ZSWIM1: variants seen among roughly 807,000 people sequenced by gnomAD.
ZSWIM1 encodes the protein zinc finger SWIM domain-containing protein 1.
Under a neutral mutation model 29.3 loss-of-function variants are expected in ZSWIM1, and 22 were observed. The ratio of observed to expected loss-of-function variants is 0.75; its 90% CI spans 0.54 to 1.07. The LOEUF (loss-of-function observed/expected upper bound fraction) is 1.07, where lower values mean the gene tolerates loss of function less well. Among genes scored for constraint, ZSWIM1 ranks in the 50% least tolerant of loss-of-function variants. The pLI is 0.00. For missense variants in ZSWIM1, 511 were observed against 596.2 expected (o/e 0.86, Z 1.49); for synonymous variants, 228 against 240.8 (o/e 0.95, Z 0.49).
rs1358214908 is a variant in ZSWIM1, at chr20:45,884,258, A to G, written c.*208A>G. ...TGCTACCTAGCATGTGTCTAGCTCAATGAGACAGGAGTCAGCAAATCTTAA... is the reference window on the plus strand; with the variant it reads ...TGCTACCTAGCATGTGTCTAGCTCAGTGAGACAGGAGTCAGCAAATCTTAA... On this transcript the variant is annotated 3_prime_UTR_variant, in exon 2 of 2. Coordinates refer to ENST00000372523, the MANE Select transcript of ZSWIM1 (RefSeq NM_080603.5). 3 of 596,522 alleles carry G rather than the reference A, an allele frequency of 5.0e-6. No individual in the cohort carries two copies. The highest frequency in any genetic ancestry group is 8.7e-6 in the Non-Finnish European group (3 of 343,432). 37.0% of individuals were successfully genotyped at this position (596,522 alleles called of 1,614,324 possible). A position where few individuals can be genotyped will look rare whatever the true frequency, so the allele number is the denominator to read the frequency against.
In ZSWIM1 at chr20:45,883,823, G is replaced by C; in HGVS notation, c.1231G>C (p.Asp411His). 1.2e-6 allele frequency: 2 copies of C among 1,613,544 alleles called. No individual in the cohort carries two copies. Among genetic ancestry groups the C allele is most frequent in the East Asian group, 2.2e-5 (1 of 44,880 alleles). ...LSARRQVLQP[D>H]MLPAQWTAGC... ...TGCCCGCCGCCAGGTGCTCCAGCCC[G>C]ACATGCTGCCGGCTCAGTGGACGGC... The change falls in exon 2 of 2, where the codon GAC (aspartate) becomes CAC (histidine). Residue 411 changes from aspartate (D) to histidine (H), a missense_variant. Coordinates refer to ENST00000372523, the MANE Select transcript of ZSWIM1 (RefSeq NM_080603.5).
rs761821569 is a variant in ZSWIM1, at chr20:45,883,833, C to A, written c.1241C>A (p.Pro414Gln). Residue 414 changes from proline (P) to glutamine (Q), a missense_variant, in exon 2 of 2, where the codon CCG (proline) becomes CAG (glutamine). Coordinates refer to ENST00000372523, the MANE Select transcript of ZSWIM1 (RefSeq NM_080603.5). ...CAGGTGCTCCAGCCCGACATGCTGC[C>A]GGCTCAGTGGACGGCAGGCTGTGCT... The part of the protein sequence containing the change: ...RRQVLQPDML[P>Q]AQWTAGCATS... The A allele has an allele frequency of 6.2e-7, 1 of 1,613,544 alleles. No homozygotes were observed. Among genetic ancestry groups the A allele is most frequent in the South Asian group, 1.1e-5 (1 of 91,078 alleles).
rs1457200850 is a variant in ZSWIM1, at chr20:45,882,666, C to T, written c.74C>T (p.Ala25Val). Residue 25 changes from alanine (A) to valine (V), a missense_variant, in exon 2 of 2, where the codon GCT becomes GTT. By Grantham distance (64) the Ala-to-Val change is moderately conservative. Coordinates refer to ENST00000372523, the MANE Select transcript of ZSWIM1 (RefSeq NM_080603.5). ...RKYFDLGIWT[A>V]PISPMALTML... is the part of the protein sequence containing the mutation. ...TATTTTGACCTTGGCATTTGGACAG[C>T]TCCCATCTCTCCCATGGCCCTGACA... The T allele has an allele frequency of 1.9e-6, 3 of 1,614,222 alleles. No homozygotes were observed. Among genetic ancestry groups the T allele is most frequent in the Non-Finnish European group, 2.5e-6 (3 of 1,180,042 alleles).
Position 45,882,828 on chromosome 20 carries a change from T to G in ZSWIM1, c.236T>G (p.Leu79Ter). 2 of 1,614,230 alleles carry G rather than the reference T, an allele frequency of 1.2e-6. No homozygotes were observed. The highest frequency in any genetic ancestry group is 2.2e-5 in the East Asian group (1 of 44,890). Residue 79 changes from leucine to a stop codon, truncating the protein, a stop_gained, in exon 2 of 2, where the codon TTA becomes TGA. Coordinates refer to ENST00000372523, the MANE Select transcript of ZSWIM1 (RefSeq NM_080603.5). LOFTEE classifies it high-confidence loss of function. ...GTCTTTGACCATTTCCCTGAGATCT[T>G]ATTTATCCACCGGACCTATAACCCA... ...QSVFDHFPEI[L>*]FIHRTYNPRG...
In ZSWIM1 at chr20:45,882,991, G is replaced by T. The variant is rs1305762349; in HGVS notation, c.399G>T (p.Lys133Asn). The T allele has an allele frequency of 6.2e-7, 1 of 1,614,212 alleles. No homozygotes were observed. The highest frequency in any genetic ancestry group is 8.5e-7 in the Non-Finnish European group (1 of 1,180,044). Residue 133 changes from lysine to asparagine, a missense_variant, in exon 2 of 2, where the codon AAG (lysine) becomes AAT (asparagine). Lys to Asn is a moderately conservative substitution (Grantham distance 94). Transcript: ENST00000372523. Reference sequence around the variant, plus strand: ...TGGCCCAGATGTTCCAAGTATTCAAGAAGTTTAATCCAGCATGGGAGAGAG... The same window carrying T: ...TGGCCCAGATGTTCCAAGTATTCAATAAGTTTAATCCAGCATGGGAGAGAG... ...EGLAQMFQVF[K>N]KFNPAWERVC...
chr20:45,882,771 C>T lies in ZSWIM1; in HGVS notation c.179C>T (p.Thr60Ile). ...HQVNKTAQLD[T>I]FNYQSCFMQS... ...GTTAACAAGACTGCCCAGTTAGATA[C>T]CTTCAACTACCAGAGCTGCTTTATG... Residue 60 changes from threonine (T) to isoleucine (I), a missense_variant, in exon 2 of 2, where the codon ACC becomes ATC. Physicochemically the swap from Thr to Ile is moderately conservative, Grantham distance 89. Coordinates refer to ENST00000372523, the MANE Select transcript of ZSWIM1 (RefSeq NM_080603.5). The T allele has an allele frequency of 1.2e-6, 2 of 1,614,262 alleles. No homozygotes were observed. The highest frequency in any genetic ancestry group is 1.7e-6 in the Non-Finnish European group (2 of 1,180,050).
Position 45,883,962 on chromosome 20 carries a change from G to C in ZSWIM1, c.1370G>C (p.Cys457Ser), listed in dbSNP as rs1986389375. Residue 457 changes from cysteine to serine, a missense_variant, in exon 2 of 2, where the codon TGC becomes TCC. Physicochemically the swap from Cys to Ser is moderately radical, Grantham distance 112. Transcript: ENST00000372523. The part of the protein sequence containing the change: ...TEEVGQLLQH[C>S]TKEEFERRYS... The stretch of plus-strand genomic sequence containing the variant: ...GAGGTGGGTCAGCTGTTGCAGCACT[G>C]CACCAAGGAGGAGTTTGAGCGGAGG... 6.2e-7 allele frequency: 1 copy of C among 1,614,064 alleles called. No individual in the cohort carries two copies. The highest frequency in any genetic ancestry group is 8.5e-7 in the Non-Finnish European group (1 of 1,180,042).
In ZSWIM1 at chr20:45,883,414, T is replaced by C; in HGVS notation, c.822T>C (p.Ser274=). 6.2e-7 allele frequency: 1 copy of C among 1,614,230 alleles called. No individual in the cohort carries two copies. Among genetic ancestry groups the C allele is most frequent in the Non-Finnish European group, 8.5e-7 (1 of 1,180,048 alleles). The change falls in exon 2 of 2, where the codon TCT becomes TCC. Residue 274 remains serine (S), a synonymous_variant. Transcript: ENST00000372523. ...GCCAGTTCTTTGGTACCACCCCATC[T>C]GAGAAACAAGGTATGGCTTCTCTGT... The part of the protein sequence containing the change: ...ILSQFFGTTP[S]EKQGMASLFR...
In ZSWIM1 at chr20:45,883,575, A is replaced by C. The variant is rs975865541; in HGVS notation, c.983A>C (p.His328Pro). The change falls in exon 2 of 2, where the codon CAC (histidine) becomes CCC (proline). Residue 328 changes from histidine to proline, a missense_variant. Coordinates refer to ENST00000372523, the MANE Select transcript of ZSWIM1 (RefSeq NM_080603.5). ...LEQLVESHIQ[H>P]SLNAICTGPA... The stretch of plus-strand genomic sequence containing the variant: ...CAGCTGGTAGAATCCCACATCCAGC[A>C]CTCCCTCAATGCCATCTGCACAGGG... The C allele has an allele frequency of 6.2e-7, 1 of 1,614,154 alleles. No homozygotes were observed. Among genetic ancestry groups the C allele is most frequent in the Non-Finnish European group, 8.5e-7 (1 of 1,180,026 alleles).
Position 45,882,917 on chromosome 20 carries a change from G to A in ZSWIM1, c.325G>A (p.Ala109Thr). The stretch of plus-strand genomic sequence containing the variant: ...TCGGGTGCAGCTGGAGGGTCATCTT[G>A]CCCGAGCAGTCTACTTTGCCATCCC... ...GPRVQLEGHL[A>T]RAVYFAIPAK... Residue 109 changes from alanine to threonine, a missense_variant, in exon 2 of 2, where the codon GCC becomes ACC. By Grantham distance (58) the Ala-to-Thr change is moderately conservative. Coordinates refer to ENST00000372523, the MANE Select transcript of ZSWIM1 (RefSeq NM_080603.5). 6.2e-7 allele frequency: 1 copy of A among 1,614,190 alleles called. No homozygotes were observed. The highest frequency in any genetic ancestry group is 8.5e-7 in the Non-Finnish European group (1 of 1,180,032).
At position 45,883,606 on chromosome 20, in the gene ZSWIM1, A is replaced by C; in HGVS notation, c.1014A>C (p.Ala338=). 1 of 1,614,224 alleles carries C rather than the reference A, an allele frequency of 6.2e-7. No homozygotes were observed. The highest frequency in any genetic ancestry group is 8.5e-7 in the Non-Finnish European group (1 of 1,180,038). ...TCAATGCCATCTGCACAGGGCCAGC[A>C]GCCCAACTGTGCCTGGGCGAGCTTG... ...HSLNAICTGP[A]AQLCLGELAV... The change falls in exon 2 of 2, where the codon GCA becomes GCC. Residue 338 remains alanine (A), a synonymous_variant. Coordinates refer to ENST00000372523, the MANE Select transcript of ZSWIM1 (RefSeq NM_080603.5).
chr20:45,881,784 A>G (rs1167326313), intron 1 of ZSWIM1, among the ~76,000 whole-genome samples: 1 of 152,240 alleles, frequency 6.6e-6, no homozygotes, highest in African/African-American at 2.4e-5. Flanking sequence ...TCTCTTATAC[A>G]TACCAGGACC....
rs1347233579 is a variant in ZSWIM1, at chr20:45,882,806, T to G, written c.214T>G (p.Phe72Val). The change falls in exon 2 of 2, where the codon TTT becomes GTT. Residue 72 changes from phenylalanine (F) to valine (V), a missense_variant. Transcript: ENST00000372523. ...NYQSCFMQSV[F>V]DHFPEILFIH... ...CCAGAGCTGCTTTATGCAAAGTGTC[T>G]TTGACCATTTCCCTGAGATCTTATT... The G allele has an allele frequency of 6.2e-7, 1 of 1,614,114 alleles. No homozygotes were observed. Among genetic ancestry groups the G allele is most frequent in the African/African-American group, 1.3e-5 (1 of 74,926 alleles).
rs1265993510 is a variant in ZSWIM1 at position 45,884,348 on chromosome 20, A to ATTT, written c.*304_*306dup. 3 of 199,448 alleles carry ATTT rather than the reference A, an allele frequency of 1.5e-5. No individual in the cohort carries two copies. Among genetic ancestry groups the ATTT allele is most frequent in the Non-Finnish European group, 9.1e-6 (1 of 110,080 alleles). The allele number at this position is 199,448 out of a possible 1,614,324, so 12.4% of individuals were successfully genotyped here. A position where few individuals can be genotyped will look rare whatever the true frequency, so the allele number is the denominator to read the frequency against. ...TGTATATTCTTGGTTTTGTTTTAATATTTTTTTTCTTTTTTTTTTTTTTTT... is the reference window on the plus strand; with the variant it reads ...TGTATATTCTTGGTTTTGTTTTAATATTTTTTTTTTTCTTTTTTTTTTTTTTTT... On this transcript the variant is annotated 3_prime_UTR_variant, in exon 2 of 2. Coordinates refer to ENST00000372523, the MANE Select transcript of ZSWIM1 (RefSeq NM_080603.5).
chr20:45,884,465 C>A lies in ZSWIM1; in HGVS notation c.*415C>A, dbSNP rs1986415684. On this transcript the variant is annotated 3_prime_UTR_variant, in exon 2 of 2. Coordinates refer to ENST00000372523, the MANE Select transcript of ZSWIM1 (RefSeq NM_080603.5). ...GCAAGCTCCACCTCCTGGGTTCACACCATTCTCCTGCCTCAGCCTCCCGAG... is the reference window on the plus strand; with the variant it reads ...GCAAGCTCCACCTCCTGGGTTCACAACATTCTCCTGCCTCAGCCTCCCGAG... The A allele has an allele frequency of 6.5e-6, 1 of 153,502 alleles. No individual in the cohort carries two copies. Among genetic ancestry groups the A allele is most frequent in the Admixed American group, 6.7e-5 (1 of 14,866 alleles). The allele number at this position is 153,502 out of a possible 1,614,324, so 9.5% of individuals were successfully genotyped here.
Position 45,883,193 on chromosome 20 carries a change from A to G in ZSWIM1, c.601A>G (p.Thr201Ala), listed in dbSNP as rs1193534293. The G allele has an allele frequency of 3.1e-6, 5 of 1,613,974 alleles. No homozygotes were observed. The highest frequency in any genetic ancestry group is 1.1e-5 in the South Asian group (1 of 91,080). Reference sequence around the variant, plus strand: ...GCTGCTCCTGACCTCCCTGCAGAGCACAATGTGCTCAGCCACAGCAGGCAA... The same window carrying G: ...GCTGCTCCTGACCTCCCTGCAGAGCGCAATGTGCTCAGCCACAGCAGGCAA... The part of the protein sequence containing the change: ...ERLLLTSLQS[T>A]MCSATAGNLR... The change falls in exon 2 of 2, where the codon ACA becomes GCA. Residue 201 changes from threonine (T) to alanine (A), a missense_variant. Physicochemically the swap from Thr to Ala is moderately conservative, Grantham distance 58. Coordinates refer to ENST00000372523, the MANE Select transcript of ZSWIM1 (RefSeq NM_080603.5).
In ZSWIM1 at chr20:45,885,250, G is replaced by A. The variant is rs1235649918; in HGVS notation, c.*1200G>A. ...GTCCCATCCTGGGGTCAATAAAACT[G>A]AATGTTGCATATTCTAGCACTTGTC... On this transcript the variant is annotated 3_prime_UTR_variant, in exon 2 of 2. Transcript: ENST00000372523. The A allele has an allele frequency of 1.8e-5, 3 of 166,418 alleles. No homozygotes were observed. The highest frequency in any genetic ancestry group is 7.2e-5 in the African/African-American group (3 of 41,438). The allele number at this position is 166,418 out of a possible 1,614,324, so 10.3% of individuals were successfully genotyped here.
At position 45,884,028 on chromosome 20, in the gene ZSWIM1, CT is replaced by C; in HGVS notation, c.1438del (p.Tyr480MetfsTer77). On this transcript the variant is annotated frameshift_variant, in exon 2 of 2. Transcript: ENST00000372523. LOFTEE classifies it high-confidence loss of function. ...LRELADSWIG[P>X]YEQVQL Reference sequence around the variant, plus strand: ...GAACTGGCCGACAGCTGGATTGGGCCTTATGAGCAGGTCCAACTCTGATTAT... The same window carrying C: ...GAACTGGCCGACAGCTGGATTGGGCCTATGAGCAGGTCCAACTCTGATTAT... 6.2e-7 allele frequency: 1 copy of C among 1,612,770 alleles called. No individual in the cohort carries two copies. Among genetic ancestry groups the C allele is most frequent in the Non-Finnish European group, 8.5e-7 (1 of 1,179,128 alleles).
At chr20:45,881,595 G>C (rs181952511) in intron 1 of ZSWIM1, among the ~76,000 whole-genome samples, 1 of 152,236 alleles carries the variant, frequency 6.6e-6, no homozygotes, top group Non-Finnish European at 1.5e-5. Context: ...ACAGTAACTC[G>C]GTCTGGGGCC....
Sources: allele counts gnomAD v4.1 joint callset (sites outside exome capture counted in the v4.1 genomes callset), GRCh38; gene constraint gnomAD v4.1.1; transcripts MANE v1.5; gene names NCBI Gene and HGNC (gene_info 2026-07-23, HGNC 2026-07-21).